The following KCTD2 variants were observed in gnomAD, a reference collection of about 807,000 sequenced individuals.
The protein encoded by KCTD2 is BTB/POZ domain-containing protein KCTD2.
Under a neutral mutation model 27.9 loss-of-function variants are expected in KCTD2, and 18 were observed. The observed-to-expected ratio is 0.64, with a 90% CI of 0.45 to 0.96. The LOEUF is 0.96. Among genes scored for constraint, KCTD2 ranks in the 40% least tolerant of loss-of-function variants. The pLI is 0.00. For missense variants in KCTD2, 280 were observed against 348.0 expected, an observed-to-expected ratio of 0.80 and a Z score of 1.56; for synonymous variants, 175 against 148.4, an observed-to-expected ratio of 1.18 and a Z score of -1.30.
chr17:75,042,425 T>C, upstream of KCTD2: 1 of 1,526,130 alleles, frequency 6.6e-7, no homozygotes, highest in Non-Finnish European at 8.9e-7. Flanking sequence ...GATTTCTTTA[T>C]ATGTTGTCAT....
rs1311209239 is a variant in KCTD2 at position 75,063,917 on chromosome 17, T to C, written c.*870T>C. On this transcript the variant is annotated 3_prime_UTR_variant, in exon 6 of 6. Coordinates refer to ENST00000322444, the MANE Select transcript of KCTD2 (RefSeq NM_015353.3). ...ACTGGACCAAAGATGAAGGCACTTA[T>C]GGACCCTTTGATGGCTTGGAGTGGG... 1.3e-5 allele frequency: 2 copies of C among 152,770 alleles called. No individual in the cohort carries two copies. The highest frequency in any genetic ancestry group is 2.9e-5 in the Non-Finnish European group (2 of 68,106). 9.5% of individuals were successfully genotyped at this position (152,770 alleles called of 1,614,324 possible).
At chr17:75,051,465 G>A (rs1012434886) in intron 2 of KCTD2, among the ~76,000 whole-genome samples, 44 of 150,788 alleles carry the variant, frequency 2.9e-4, no homozygotes, top group African/African-American at 8.3e-4. Context: ...TTTTATTTTT[G>A]GTAGAGACGG....
In KCTD2 at chr17:75,053,116, T is replaced by C; in HGVS notation, c.540+11T>C. 1 of 1,605,112 alleles carries C rather than the reference T, an allele frequency of 6.2e-7. No individual in the cohort carries two copies. The highest frequency in any genetic ancestry group is 8.5e-7 in the Non-Finnish European group (1 of 1,171,918). On this transcript the variant is annotated intron_variant, in intron 3 of 5. Transcript: ENST00000322444. Reference sequence around the variant, plus strand: ...AACAGAACTTCACAAGTAATGTATTTGGAACTGTTAAGGAGGGTTGTTTCA... The same window carrying C: ...AACAGAACTTCACAAGTAATGTATTCGGAACTGTTAAGGAGGGTTGTTTCA...
chr17:75,062,373 C>T (rs1384672077), intron 5 of KCTD2, 128 bp downstream of exon 5: 11 of 862,490 alleles, frequency 1.3e-5, no homozygotes, highest in African/African-American at 1.8e-5. Flanking sequence ...ATTTTCCCCT[C>T]GTTTTGTTAT....
intron 3 of KCTD2, chr17:75,039,895 T>A: frequency 1.6e-6 from 1 of 635,848 alleles, no homozygotes; most frequent in Non-Finnish European, 2.7e-6. Flanking sequence ...TATGCTATAC[T>A]CTTCTTTTTC....
At position 75,064,249 on chromosome 17, in the gene KCTD2, T is replaced by G. The variant is rs1488682671; in HGVS notation, c.*1202T>G. 1.3e-5 allele frequency: 2 copies of G among 152,274 alleles called. No individual in the cohort carries two copies. Among genetic ancestry groups the G allele is most frequent in the African/African-American group, 4.8e-5 (2 of 41,466 alleles). 9.4% of individuals were successfully genotyped at this position (152,274 alleles called of 1,614,324 possible). ...TCTTTCGGGCTGCATCCACAGAGTT[T>G]GTGTCCACACTTTCTCTCCGAGCAT... On this transcript the variant is annotated 3_prime_UTR_variant, in exon 6 of 6. Coordinates refer to ENST00000322444, the MANE Select transcript of KCTD2 (RefSeq NM_015353.3).
At chr17:75,046,726 G>A (rs986325457), upstream of KCTD2, among the ~76,000 whole-genome samples, 1 of 152,256 alleles carries the variant, frequency 6.6e-6, no homozygotes, top group Non-Finnish European at 1.5e-5. Context: ...GGGCCCCCCT[G>A]ACCCCGCGCG....
At position 75,052,922 on chromosome 17, in the gene KCTD2, GTTT is replaced by G. The variant is rs976227513; in HGVS notation, c.449-89_449-87del. 11 of 934,228 alleles carry G rather than the reference GTTT, an allele frequency of 1.2e-5. No individual in the cohort carries two copies. The African/African-American group carries it at 1.8e-4, about 15-fold the overall frequency. 57.9% of individuals were successfully genotyped at this position (934,228 alleles called of 1,614,324 possible). ...AAATAAGTAAATAAATAAATAAGCA[GTTT>G]TTAGCAAGCATGTAACCTTCATCCT... On this transcript the variant is annotated intron_variant, in intron 2 of 5. Transcript: ENST00000322444.
intron 3 of KCTD2, among the ~76,000 whole-genome samples, chr17:75,055,660 C>T (rs1461278019): frequency 1.3e-5 from 2 of 151,900 alleles, no homozygotes; most frequent in Non-Finnish European, 2.9e-5. Flanking sequence ...ATGGAGAAAC[C>T]CTGTCTCTAC....
chr17:75,061,863 C>CGG (rs71361644), intron 4 of KCTD2, among the ~76,000 whole-genome samples: 2,643 of 151,220 alleles, frequency 0.017, 35 homozygotes, highest in Non-Finnish European at 0.027. Context: ...CTGCCGCTGA[C>CGG]GGGGGGGGAC....
chr17:75,065,510 G>A lies in KCTD2; in HGVS notation c.*2463G>A, dbSNP rs181420846. The A allele has an allele frequency of 2.1e-3, 323 of 152,512 alleles. 1 individual carries two copies. The highest frequency in any genetic ancestry group is 3.4e-3 in the Middle Eastern group (1 of 296). 9.4% of individuals were successfully genotyped at this position (152,512 alleles called of 1,614,324 possible). ...TTTTTCTCTGCCCCAGGTCTGGGAC[G>A]CAGGTGATGCCAGCCAGGCCCAGGA... On this transcript the variant is annotated 3_prime_UTR_variant, in exon 6 of 6. Transcript: ENST00000322444.
chr17:75,045,844 G>A (rs999816306), upstream of KCTD2, among the ~76,000 whole-genome samples: 5 of 152,240 alleles, frequency 3.3e-5, no homozygotes, highest in Non-Finnish European at 7.3e-5. Flanking sequence ...ACAGGCATAG[G>A]AAATCAGAAG....
intron 1 of KCTD2, 61 bp downstream of exon 1, chr17:75,047,650 G>A: frequency 6.6e-7 from 1 of 1,516,978 alleles, no homozygotes; most frequent in Non-Finnish European, 8.8e-7. Context: ...TCGTAGATCG[G>A]TCCCCAGAGT....
chr17:75,047,363 GC>G lies in KCTD2; in HGVS notation c.117del (p.Thr40ArgfsTer37). The G allele has an allele frequency of 8.9e-7, 1 of 1,129,032 alleles. No individual in the cohort carries two copies. The allele number at this position is 1,129,032 out of a possible 1,614,324, so 69.9% of individuals were successfully genotyped here. A position where few individuals can be genotyped will look rare whatever the true frequency, so the allele number is the denominator to read the frequency against. On this transcript the variant is annotated frameshift_variant, in exon 1 of 6. Coordinates refer to ENST00000322444, the MANE Select transcript of KCTD2 (RefSeq NM_015353.3). LOFTEE classifies it high-confidence loss of function. ...VRGPPSPRPA[G>X]PTPRGHGRPA... ...GGGCCCCCCAGCCCACGCCCGGCTGGCCCCACGCCCCGCGGGCACGGCCGCC... is the reference window on the plus strand; with the variant it reads ...GGGCCCCCCAGCCCACGCCCGGCTGGCCCACGCCCCGCGGGCACGGCCGCC...
In KCTD2 at chr17:75,056,154, A is replaced by G. The variant is rs1464056234; in HGVS notation, c.540+3049A>G. 3.3e-5 allele frequency among the ~76,000 whole-genome samples: 5 copies of G among 152,338 alleles called. No individual in the cohort carries two copies. The South Asian group carries it at 1.0e-3, about 32-fold the overall frequency. ...TTTGCAAAAGTGAAGAGAAGGGCTT[A>G]TTCATTTAGTTTTCTTCCATCTAGC... On this transcript the variant is annotated intron_variant, in intron 3 of 5. Coordinates refer to ENST00000322444, the MANE Select transcript of KCTD2 (RefSeq NM_015353.3).
At chr17:75,050,761 A>G (rs1160157053) in intron 2 of KCTD2, among the ~76,000 whole-genome samples, 1 of 152,212 alleles carries the variant, frequency 6.6e-6, no homozygotes, top group East Asian at 1.9e-4. Flanking sequence ...GAAAAGAGCA[A>G]GAATAACACA....
chr17:75,059,348 A>G, intron 3 of KCTD2, 162 bp from the exon 4 acceptor site: 1 of 420,878 alleles, frequency 2.4e-6, no homozygotes, highest in East Asian at 3.4e-5. Context: ...AAAAAAAGAA[A>G]CGCCACAGTA....
intron 2 of KCTD2, among the ~76,000 whole-genome samples, chr17:75,052,010 A>C: frequency 6.6e-6 from 1 of 151,864 alleles, no homozygotes; most frequent in Non-Finnish European, 1.5e-5. Flanking sequence ...TTGTACACAC[A>C]CCTCCACCCC....
At chr17:75,034,471 A>G (rs1019800142) in intron 2 of KCTD2, among the ~76,000 whole-genome samples, 1 of 152,120 alleles carries the variant, frequency 6.6e-6, no homozygotes, top group African/African-American at 2.4e-5. Flanking sequence ...CTGGCTTAGG[A>G]GGCCAGTGCC....
Sources: gnomAD v4.1 joint callset for allele counts (sites outside exome capture counted in the v4.1 genomes callset) on GRCh38, gnomAD v4.1.1 for gene constraint, MANE v1.5 for transcripts, NCBI Gene and HGNC (gene_info 2026-07-23, HGNC 2026-07-21) for gene names.